The following SLC35A3 variants were observed in gnomAD, a reference collection of about 807,000 sequenced individuals.
The protein encoded by SLC35A3 is solute carrier family 35 member A3, also known as UDP-N-acetylglucosamine transporter.
SLC35A3 carries 26 observed loss-of-function variants against 39.0 expected under a neutral mutation model. The ratio of observed to expected loss-of-function variants is 0.67; its 90% confidence interval spans 0.49 to 0.92. SLC35A3 has a LOEUF of 0.92. Among genes scored for constraint, SLC35A3 ranks in the 40% least tolerant of loss-of-function variants. The pLI, the probability that SLC35A3 is intolerant of heterozygous loss-of-function variation, is 0.00. For synonymous variants in SLC35A3, 135 were observed against 133.1 expected (o/e 1.01, Z -0.10); for missense variants, 299 against 371.6 (o/e 0.80, Z 1.61).
intron 2 of SLC35A3, among the ~76,000 whole-genome samples, chr1:99,995,171 G>T (rs990567999): frequency 8.4e-5 from 7 of 82,906 alleles, no homozygotes; most frequent in East Asian, 3.2e-4. Flanking sequence ...TTTTTTTTTC[G>T]AGACTGAGTC....
chr1:99,991,433 C>T lies in SLC35A3; in HGVS notation c.-18-2104C>T, dbSNP rs138019372. On this transcript the variant is annotated intron_variant, in intron 1 of 7. Transcript: ENST00000533028. ...TGCTGGGATTACAGGCGTGAGCCAC[C>T]GCGCCCAGCCACCAGTTTTGATTAC... 1.1e-3 allele frequency among the ~76,000 whole-genome samples: 163 copies of T among 152,134 alleles called. 3 individuals carry two copies. The East Asian group carries it at 0.03, about 28-fold the overall frequency.
chr1:99,989,632 T>A (rs1469374227), intron 1 of SLC35A3, among the ~76,000 whole-genome samples: 1 of 152,194 alleles, frequency 6.6e-6, no homozygotes, highest in Non-Finnish European at 1.5e-5. Flanking sequence ...GGTCTTTGAT[T>A]TATTGTATTA....
intron 7 of SLC35A3, among the ~76,000 whole-genome samples, chr1:100,021,374 A>G (rs1570631648): frequency 6.6e-6 from 1 of 152,210 alleles, no homozygotes; most frequent in Non-Finnish European, 1.5e-5. Flanking sequence ...AAAAAAATAA[A>G]TAAATAAAAG....
In SLC35A3 at chr1:99,999,308, A is replaced by C. The variant is rs1455676919; in HGVS notation, c.235A>C (p.Asn79His). 1 of 1,592,270 alleles carries C rather than the reference A, an allele frequency of 6.3e-7. No individual in the cohort carries two copies. The highest frequency in any genetic ancestry group is 1.1e-5 in the South Asian group (1 of 87,534). Residue 79 changes from asparagine to histidine, a missense_variant, in exon 3 of 8, where the codon AAT becomes CAT. Coordinates refer to ENST00000533028, the MANE Select transcript of SLC35A3 (RefSeq NM_012243.3). ...TCGAGTACTACATGATGAAATTCTT[A>C]ATAAACCTATGGAAACACTTAAACT... is the stretch of plus-strand genomic sequence containing the variant. ...LNRVLHDEIL[N>H]KPMETLKLAI...
intron 5 of SLC35A3, among the ~76,000 whole-genome samples, chr1:100,014,788 G>A (rs1177265182): frequency 6.6e-6 from 1 of 152,020 alleles, no homozygotes; most frequent in Admixed American, 6.6e-5. Context: ...ACATTTATAT[G>A]TCTTTGTCTT....
chr1:99,995,110 TTCTTTC>T (rs1658313337), intron 2 of SLC35A3, among the ~76,000 whole-genome samples: 1 of 77,402 alleles, frequency 1.3e-5, no homozygotes, highest in African/African-American at 4.8e-5. Flanking sequence ...TGTATTTTCT[TTCTTTC>T]TTTCTTTCTT....
chr1:99,995,622 G>C (rs1033926287), intron 2 of SLC35A3, among the ~76,000 whole-genome samples: 1 of 152,114 alleles, frequency 6.6e-6, no homozygotes, highest in African/African-American at 2.4e-5. Context: ...AATAGATTTG[G>C]GGGGAAATTA....
chr1:100,024,591 C>A lies in SLC35A3; in HGVS notation c.*2115C>A, dbSNP rs1427087522. ...AAAACACACACACACACACACACAC[C>A]CACAGTATGAATGAAAAAAATAAAA... On this transcript the variant is annotated 3_prime_UTR_variant, in exon 8 of 8. Transcript: ENST00000533028. The A allele has an allele frequency of 2.1e-4, 53 of 249,350 alleles. No individual in the cohort carries two copies. In the South Asian group the frequency reaches 3.7e-3, roughly 18 times the overall value. The allele number at this position is 249,350 out of a possible 1,614,324, so 15.4% of individuals were successfully genotyped here. A position where few individuals can be genotyped will look rare whatever the true frequency, so the allele number is the denominator to read the frequency against.
chr1:100,011,458 G>A lies in SLC35A3; in HGVS notation c.559G>A (p.Gly187Ser). ...MAVLTACFSSGFAGVYFEKIL... is the reference protein window; with the variant it reads ...MAVLTACFSSSFAGVYFEKIL... ...AGTTCTCACAGCATGTTTTTCAAGTGGCTTTGCTGGGGTTTACTTTGAGAA... is the reference window on the plus strand; with the variant it reads ...AGTTCTCACAGCATGTTTTTCAAGTAGCTTTGCTGGGGTTTACTTTGAGAA... Residue 187 changes from glycine (G) to serine (S), a missense_variant, in exon 5 of 8, where the codon GGC becomes AGC. Physicochemically the swap from Gly to Ser is moderately conservative, Grantham distance 56. Coordinates refer to ENST00000533028, the MANE Select transcript of SLC35A3 (RefSeq NM_012243.3). 1 of 1,579,950 alleles carries A rather than the reference G, an allele frequency of 6.3e-7. No homozygotes were observed. Among genetic ancestry groups the A allele is most frequent in the Non-Finnish European group, 8.6e-7 (1 of 1,156,388 alleles).
At position 100,035,372 on chromosome 1, in the gene SLC35A3, T is replaced by C. The variant is rs1197826201; in HGVS notation, c.*12896T>C. On this transcript the variant is annotated 3_prime_UTR_variant, in exon 8 of 8. Coordinates refer to ENST00000533028, the MANE Select transcript of SLC35A3 (RefSeq NM_012243.3). ...CCAAATCACATACAAAGCGACAAGTTCATACACAATAGGCCTATTAGAACA... is the reference window on the plus strand; with the variant it reads ...CCAAATCACATACAAAGCGACAAGTCCATACACAATAGGCCTATTAGAACA... 6.6e-6 allele frequency: 1 copy of C among 152,186 alleles called. No homozygotes were observed. Among genetic ancestry groups the C allele is most frequent in the Non-Finnish European group, 1.5e-5 (1 of 68,036 alleles). 9.4% of individuals were successfully genotyped at this position (152,186 alleles called of 1,614,324 possible).
intron 1 of SLC35A3, among the ~76,000 whole-genome samples, chr1:99,992,010 G>C (rs1185137909): frequency 6.6e-6 from 1 of 152,152 alleles, no homozygotes; most frequent in Admixed American, 6.5e-5. Flanking sequence ...GCCTCCCAAA[G>C]TGCTGGGATT....
intron 1 of SLC35A3, among the ~76,000 whole-genome samples, chr1:99,975,627 G>T (rs1300108766): frequency 6.6e-6 from 1 of 152,156 alleles, no homozygotes; most frequent in Non-Finnish European, 1.5e-5. Flanking sequence ...ACGAATATTT[G>T]TTCGTGAATG....
rs1661112662 is a variant in SLC35A3, at chr1:100,029,537, TCTC to T, written c.*7064_*7066del. The T allele has an allele frequency of 6.6e-6, 1 of 151,010 alleles. No individual in the cohort carries two copies. The highest frequency in any genetic ancestry group is 2.5e-5 in the African/African-American group (1 of 40,810). The allele number at this position is 151,010 out of a possible 1,614,324, so 9.4% of individuals were successfully genotyped here. Reference sequence around the variant, plus strand: ...CCTCCGCCTCCTGGGTTTGAGCAATTCTCCTACCTCAGCCTCCCAAGTAGCTGG... The same window carrying T: ...CCTCCGCCTCCTGGGTTTGAGCAATTCTACCTCAGCCTCCCAAGTAGCTGG... On this transcript the variant is annotated 3_prime_UTR_variant, in exon 8 of 8. Coordinates refer to ENST00000533028, the MANE Select transcript of SLC35A3 (RefSeq NM_012243.3).
intron 3 of SLC35A3, among the ~76,000 whole-genome samples, chr1:100,005,305 A>G (rs955951084): frequency 3.9e-5 from 6 of 152,164 alleles, no homozygotes; most frequent in African/African-American, 1.4e-4. Context: ...AAAAGTATAT[A>G]TTTTAATCTT....
intron 1 of SLC35A3, among the ~76,000 whole-genome samples, chr1:99,972,724 T>G (rs960680361): frequency 6.6e-6 from 1 of 152,248 alleles, no homozygotes; most frequent in African/African-American, 2.4e-5. Flanking sequence ...AATCATGTAA[T>G]GAAACAGACT....
intron 1 of SLC35A3, among the ~76,000 whole-genome samples, chr1:99,985,206 T>G (rs1334080077): frequency 2.0e-5 from 3 of 152,236 alleles, no homozygotes; most frequent in Non-Finnish European, 4.4e-5. Context: ...GTTTCAGGTC[T>G]TAGATTTAAG....
At chr1:100,010,148 A>G (rs1659527614) in intron 4 of SLC35A3, among the ~76,000 whole-genome samples, 1 of 152,176 alleles carries the variant, frequency 6.6e-6, no homozygotes, top group Non-Finnish European at 1.5e-5. Flanking sequence ...ATTGAGGGTG[A>G]AGATACAGAA....
rs76218042 is a variant in SLC35A3 at position 100,006,473 on chromosome 1, G to A, written c.343-561G>A. Reference sequence around the variant, plus strand: ...GTGTACATGAGTGCCAGTGGTGAAAGCATAGGGCTGAGCAATCCAATTTTC... The same window carrying A: ...GTGTACATGAGTGCCAGTGGTGAAAACATAGGGCTGAGCAATCCAATTTTC... On this transcript the variant is annotated intron_variant, in intron 3 of 7. Transcript: ENST00000533028. Among the ~76,000 whole-genome samples the A allele has an allele frequency of 2.9e-3, 441 of 152,236 alleles. 3 individuals carry two copies. The highest frequency in any genetic ancestry group is 0.01 in the African/African-American group (425 of 41,528).
At chr1:99,985,636 C>A (rs114921769) in intron 1 of SLC35A3, among the ~76,000 whole-genome samples, 2,041 of 152,140 alleles carry the variant, frequency 0.013, 18 homozygotes, top group Middle Eastern at 0.058. Flanking sequence ...AATTGCACTG[C>A]ATTTATAGAT....
Sources: gnomAD v4.1 joint callset for allele counts (sites outside exome capture counted in the v4.1 genomes callset) on GRCh38, gnomAD v4.1.1 for gene constraint, MANE v1.5 for transcripts, NCBI Gene and HGNC (gene_info 2026-07-23, HGNC 2026-07-21) for gene names.